Variants in PPFIBP1 observed in about 807,000 individuals in gnomAD.
PPFIBP1 encodes the protein liprin-beta-1.
A neutral mutation model predicts 137.8 loss-of-function variants in PPFIBP1; 112 were observed. The observed-to-expected ratio is 0.81, with a 90% CI of 0.70 to 0.95. PPFIBP1 has a LOEUF of 0.95. Among genes scored for constraint, PPFIBP1 ranks in the 40% least tolerant of loss-of-function variants. PPFIBP1 has a pLI of 0.00. For missense variants in PPFIBP1, 1,083 were observed against 1,196.6 expected (o/e 0.91, Z 1.40); for synonymous variants, 378 against 417.3 (o/e 0.91, Z 1.15).
At chr12:27,595,886 AATATATATATAT>A (rs201970397) in intron 2 of PPFIBP1, among the ~76,000 whole-genome samples, 42 of 102,454 alleles carry the variant, frequency 4.1e-4, no homozygotes, top group South Asian at 1.1e-3. Flanking sequence ...ACAACAACAA[AATATATATATAT>A]ATATATATAT....
chr12:27,656,480 C>A, intron 8 of PPFIBP1, 136 bp from the exon 9 acceptor site: 1 of 641,032 alleles, frequency 1.6e-6, no homozygotes, highest in Non-Finnish European at 2.8e-6. Context: ...TGTCTGATTT[C>A]TGATGCTTGC....
In PPFIBP1 at chr12:27,635,125, G is replaced by T. The variant is rs2057557398; in HGVS notation, c.270+10G>T. On this transcript the variant is annotated intron_variant, in intron 4 of 29. Coordinates refer to ENST00000228425, the MANE Select transcript of PPFIBP1 (RefSeq NM_003622.4). ...GCTTCAGAGTCAAATGGTAGGGTCT[G>T]CCTGTTCCAAATTCTGTTATAAATC... The T allele has an allele frequency of 6.2e-7, 1 of 1,613,580 alleles. No individual in the cohort carries two copies.
rs773071710 is a variant in PPFIBP1, at chr12:27,682,597, C to A, written c.2159-18C>A. 1.2e-6 allele frequency: 2 copies of A among 1,613,736 alleles called. No individual in the cohort carries two copies. The highest frequency in any genetic ancestry group is 1.7e-6 in the Non-Finnish European group (2 of 1,179,748). On this transcript the variant is annotated intron_variant, in intron 23 of 29. Coordinates refer to ENST00000228425, the MANE Select transcript of PPFIBP1 (RefSeq NM_003622.4). ...GATGTTTTGTGGCATGGTAGCAACA[C>A]TGGCCTCTCTCTTTTAGGATGGTTG...
chr12:27,548,462 C>G (rs779382688), intron 1 of PPFIBP1: 2 of 152,012 alleles, frequency 1.3e-5, no homozygotes, highest in Non-Finnish European at 1.5e-5. Context: ...TATGCTTTGG[C>G]GGGGGTAGGG....
chr12:27,534,837 G>T (rs1005990991), intron 1 of PPFIBP1, among the ~76,000 whole-genome samples: 1 of 152,214 alleles, frequency 6.6e-6, no homozygotes, highest in Non-Finnish European at 1.5e-5. Context: ...CTGATCTTCA[G>T]TTTACTTATT....
chr12:27,595,100 C>A (rs1422856595), intron 2 of PPFIBP1, among the ~76,000 whole-genome samples: 2 of 152,232 alleles, frequency 1.3e-5, no homozygotes. Flanking sequence ...CAGTCTTCTG[C>A]TGGTTGATAC....
At chr12:27,672,403 T>A (rs765813036) in intron 14 of PPFIBP1, 24 bp from the exon 15 acceptor site, 1 of 1,579,704 alleles carries the variant, frequency 6.3e-7, no homozygotes, top group Non-Finnish European at 8.7e-7. Context: ...AGTTAATAAA[T>A]ACCTTTTGTT....
chr12:27,585,935 A>G (rs901611898), intron 2 of PPFIBP1, among the ~76,000 whole-genome samples: 2 of 152,234 alleles, frequency 1.3e-5, no homozygotes, highest in African/African-American at 2.4e-5. Flanking sequence ...AAATAAGACT[A>G]GAAAATTGCC....
At chr12:27,531,101 G>GTGTTA (rs1264796605) in intron 1 of PPFIBP1, among the ~76,000 whole-genome samples, 2 of 152,120 alleles carry the variant, frequency 1.3e-5, no homozygotes, top group African/African-American at 4.8e-5. Context: ...AAATAAAAAC[G>GTGTTA]TGTTATTTTG....
intron 17 of PPFIBP1, 95 bp downstream of exon 17, chr12:27,674,316 C>T (rs2060370292): frequency 1.2e-6 from 1 of 840,802 alleles, no homozygotes; most frequent in South Asian, 1.8e-5. Flanking sequence ...CTTTCAGAAC[C>T]TCTAGAACAT....
intron 25 of PPFIBP1, 56 bp from the exon 26 acceptor site, chr12:27,688,241 CT>C: frequency 1.3e-6 from 2 of 1,588,100 alleles, no homozygotes; most frequent in Non-Finnish European, 1.7e-6. Context: ...ATGGAGCAGA[CT>C]TTTTAGACAG....
intron 5 of PPFIBP1, 158 bp downstream of exon 5, chr12:27,646,306 A>G: frequency 1.5e-6 from 1 of 679,326 alleles, no homozygotes; most frequent in Non-Finnish European, 2.7e-6. Context: ...GGATTGGGGC[A>G]GAATGATGGT....
intron 8 of PPFIBP1, among the ~76,000 whole-genome samples, chr12:27,655,428 G>A (rs1256794131): frequency 6.6e-6 from 1 of 152,000 alleles, no homozygotes; most frequent in Non-Finnish European, 1.5e-5. Context: ...TGAAATAATT[G>A]GTGAAAAATA....
Position 27,689,201 on chromosome 12 carries a change from A to G in PPFIBP1, c.2683A>G (p.Lys895Glu), listed in dbSNP as rs762968837. 1 of 1,562,698 alleles carries G rather than the reference A, an allele frequency of 6.4e-7. No individual in the cohort carries two copies. The highest frequency in any genetic ancestry group is 8.6e-7 in the Non-Finnish European group (1 of 1,161,348). The change falls in exon 27 of 30, where the codon AAG (lysine) becomes GAG (glutamate). Residue 895 changes from lysine (K) to glutamate (E), a missense_variant and splice_region_variant. By Grantham distance (56) the Lys-to-Glu change is moderately conservative (BLOSUM62 1). Coordinates refer to ENST00000228425, the MANE Select transcript of PPFIBP1 (RefSeq NM_003622.4). ...YVLLTATAKV[K>E]PKKLAFSNFG... ...ACTTCTAACAGCTACTGCCAAAGTG[A>G]AGGTTGGTTCAGGCTCATACGGTTT...
Position 27,687,520 on chromosome 12 carries a change from G to C in PPFIBP1, c.2370+13G>C, listed in dbSNP as rs922588751. On this transcript the variant is annotated intron_variant, in intron 25 of 29. Transcript: ENST00000228425. ...GCCATCTGATGAGGTAGTGTTTTAA[G>C]ATTGAGGTTTATAAGCATGCACTTC... 1.2e-6 allele frequency: 2 copies of C among 1,612,748 alleles called. No individual in the cohort carries two copies. Among genetic ancestry groups the C allele is most frequent in the African/African-American group, 2.7e-5 (2 of 74,872 alleles).
At position 27,654,811 on chromosome 12, in the gene PPFIBP1, C is replaced by T. The variant is rs1203157938; in HGVS notation, c.693C>T (p.Thr231=). The change falls in exon 8 of 30, where the codon ACC becomes ACT. Residue 231 remains threonine (T), a synonymous_variant. Coordinates refer to ENST00000228425, the MANE Select transcript of PPFIBP1 (RefSeq NM_003622.4). Reference sequence around the variant, plus strand: ...AGTATGAAAAAAAGCTTAAATCAACCAAAGTAAGTTTTTCTCACAGGTTAA... The same window carrying T: ...AGTATGAAAAAAAGCTTAAATCAACTAAAGTAAGTTTTTCTCACAGGTTAA... ...RLQYEKKLKS[T]KDELASLKEQ... The T allele has an allele frequency of 6.2e-7, 1 of 1,610,740 alleles. No individual in the cohort carries two copies. Among genetic ancestry groups the T allele is most frequent in the South Asian group, 1.1e-5 (1 of 90,180 alleles).
At chr12:27,623,465 CAAGGGGG>C (rs2056524847) in intron 2 of PPFIBP1, among the ~76,000 whole-genome samples, 2 of 151,992 alleles carry the variant, frequency 1.3e-5, no homozygotes, top group Admixed American at 1.3e-4. Context: ...TTTGGGAAGC[CAAGGGGG>C]AAAGGATTGC....
At chr12:27,648,589 G>C (rs1305722915) in intron 6 of PPFIBP1, among the ~76,000 whole-genome samples, 3 of 152,150 alleles carry the variant, frequency 2.0e-5, no homozygotes, top group Non-Finnish European at 4.4e-5. Context: ...CCAAGATTTG[G>C]AAGCAACTTA....
At chr12:27,616,058 T>C (rs531112546) in intron 2 of PPFIBP1, among the ~76,000 whole-genome samples, 12 of 152,108 alleles carry the variant, frequency 7.9e-5, no homozygotes, top group African/African-American at 2.9e-4. Context: ...AAGCACTTAA[T>C]AAATATTAGT....
Sources: allele counts gnomAD v4.1 joint callset (sites outside exome capture counted in the v4.1 genomes callset), GRCh38; gene constraint gnomAD v4.1.1; transcripts MANE v1.5; gene names NCBI Gene and HGNC (gene_info 2026-07-23, HGNC 2026-07-21).